Variants in ABHD2 observed in about 807,000 individuals in gnomAD.
The protein encoded by ABHD2 is abhydrolase domain containing 2, acylglycerol lipase.
Under a neutral mutation model 48.1 loss-of-function variants are expected in ABHD2, and 20 were observed. That is an observed-to-expected ratio of 0.42 (90% confidence interval 0.29 to 0.60). The LOEUF (loss-of-function observed/expected upper bound fraction) is 0.60, where lower values mean the gene tolerates loss of function less well. Ranked by LOEUF, ABHD2 falls within the 20% of genes least tolerant of loss-of-function variation. The pLI, the probability that ABHD2 is intolerant of heterozygous loss-of-function variation, is 0.24. For synonymous variants in ABHD2, 209 were observed against 214.2 expected (o/e 0.98, Z 0.21); for missense variants, 405 against 550.9 (o/e 0.74, Z 2.65).
intron 3 of ABHD2, among the ~76,000 whole-genome samples, chr15:89,142,406 A>G (rs2050418461): frequency 6.6e-6 from 1 of 152,218 alleles, no homozygotes; most frequent in Admixed American, 6.5e-5. Context: ...CCTTTGTTAA[A>G]GAGCTTGGGG....
At chr15:89,083,213 G>A (rs780169931), upstream of ABHD2, among the ~76,000 whole-genome samples, 4 of 151,974 alleles carry the variant, frequency 2.6e-5, no homozygotes, top group Admixed American at 6.6e-5. This position sits in a 1 kb window ranked among gnomAD's most constrained non-coding sequence, Gnocchi z 5.1. Context: ...ACTGCATCTC[G>A]CCTTCTCCGG....
the ABHD2 span, among the ~76,000 whole-genome samples, chr15:89,045,616 A>G: frequency 2.6e-5 from 4 of 152,130 alleles, no homozygotes; most frequent in Non-Finnish European, 5.9e-5. Context: ...GGTCCTTCAC[A>G]TCCCTTGTAA....
chr15:89,059,326 G>T, the ABHD2 span, among the ~76,000 whole-genome samples: 1 of 152,144 alleles, frequency 6.6e-6, no homozygotes, highest in Non-Finnish European at 1.5e-5. Context: ...AGCTGGCATG[G>T]TTCTGACCAC....
At chr15:89,072,066 AT>A in the ABHD2 span, among the ~76,000 whole-genome samples, 3 of 152,102 alleles carry the variant, frequency 2.0e-5, no homozygotes, top group Non-Finnish European at 2.9e-5. Flanking sequence ...TCACACTTTT[AT>A]TTTTTTCCTT....
intron 3 of ABHD2, chr15:89,135,668 G>A: frequency 1.3e-6 from 2 of 1,551,856 alleles, no homozygotes; most frequent in Non-Finnish European, 1.8e-6. Context: ...TGCTGCAGCA[G>A]GCTTTCCTTT....
At chr15:89,132,267 G>A (rs1328805686) in intron 3 of ABHD2, among the ~76,000 whole-genome samples, 1 of 152,132 alleles carries the variant, frequency 6.6e-6, no homozygotes, top group East Asian at 1.9e-4. Flanking sequence ...GTCTGTAAAG[G>A]GGGTCCTAAT....
At position 89,186,497 on chromosome 15, in the gene ABHD2, T is replaced by C. The variant is rs1437949886; in HGVS notation, c.815+981T>C. On this transcript the variant is annotated intron_variant, in intron 7 of 10. Transcript: ENST00000352732. This position sits in a 1 kb window ranked among gnomAD's most constrained non-coding sequence, Gnocchi z 4.3. ...CCCTGGCCTCTGCCACACTACTTACTGCCCTTGCTGAGAATACTCTCCCGT... is the reference window on the plus strand; with the variant it reads ...CCCTGGCCTCTGCCACACTACTTACCGCCCTTGCTGAGAATACTCTCCCGT... Among the ~76,000 whole-genome samples, 1 of 152,194 alleles carries C rather than the reference T, an allele frequency of 6.6e-6. No individual in the cohort carries two copies. Among genetic ancestry groups the C allele is most frequent in the Non-Finnish European group, 1.5e-5 (1 of 68,036 alleles).
chr15:89,165,092 G>A lies in ABHD2; in HGVS notation c.538+9558G>A, dbSNP rs151077601. ...TTACAGCTCTGTGTACAGGGATGTCGGCTGTGGTGATTATTCTGCAGTATG... is the reference window on the plus strand; with the variant it reads ...TTACAGCTCTGTGTACAGGGATGTCAGCTGTGGTGATTATTCTGCAGTATG... On this transcript the variant is annotated intron_variant, in intron 5 of 10. Transcript: ENST00000352732. 3.5e-3 allele frequency among the ~76,000 whole-genome samples: 533 copies of A among 152,274 alleles called. 3 individuals carry two copies. The highest frequency in any genetic ancestry group is 5.4e-3 in the Non-Finnish European group (369 of 68,014).
At chr15:89,128,024 G>C (rs750260108) in intron 3 of ABHD2, among the ~76,000 whole-genome samples, 14 of 152,100 alleles carry the variant, frequency 9.2e-5, no homozygotes, top group Non-Finnish European at 1.8e-4. Flanking sequence ...AGTGTATTCT[G>C]AGAGGCTTAA....
chr15:89,171,206 C>T (rs2050922465), intron 5 of ABHD2, among the ~76,000 whole-genome samples: 1 of 152,190 alleles, frequency 6.6e-6, no homozygotes, highest in Non-Finnish European at 1.5e-5. Context: ...ACGTCAGCAT[C>T]ACCTGAGAAC....
intron 1 of ABHD2, among the ~76,000 whole-genome samples, chr15:89,101,264 T>C (rs1253081853): frequency 6.6e-6 from 1 of 152,224 alleles, no homozygotes; most frequent in Non-Finnish European, 1.5e-5. Flanking sequence ...GAAATATGCC[T>C]TGGGACAGTA....
chr15:89,114,777 C>G lies in ABHD2; in HGVS notation c.-7+953C>G, dbSNP rs1025034066. 1.3e-5 allele frequency among the ~76,000 whole-genome samples: 2 copies of G among 152,298 alleles called. No homozygotes were observed. The highest frequency in any genetic ancestry group is 4.8e-5 in the African/African-American group (2 of 41,566). ...TGATTACAGGCATGAGCCATGGTGC[C>G]CAGCCCAGAAGTTAAGTTTTAGGAA... On this transcript the variant is annotated intron_variant, in intron 2 of 10. Coordinates refer to ENST00000352732, the MANE Select transcript of ABHD2 (RefSeq NM_152924.5). The surrounding 1 kb of genome is among the most constrained non-coding windows in gnomAD (Gnocchi z 4.2).
the ABHD2 span, among the ~76,000 whole-genome samples, chr15:89,070,742 G>C: frequency 0.21 from 31,795 of 152,072 alleles, 4,226 homozygotes; most frequent in African/African-American, 0.36. Flanking sequence ...ATAGCATGTG[G>C]ACAGCAGATA....
At chr15:89,172,575 T>A (rs1313419664) in intron 5 of ABHD2, among the ~76,000 whole-genome samples, 1 of 152,266 alleles carries the variant, frequency 6.6e-6, no homozygotes, top group Non-Finnish European at 1.5e-5. Context: ...ATAATGCTGC[T>A]ATAAACATGG....
intron 5 of ABHD2, among the ~76,000 whole-genome samples, chr15:89,165,862 C>A (rs1393559872): frequency 6.6e-6 from 1 of 152,146 alleles, no homozygotes; most frequent in Non-Finnish European, 1.5e-5. Flanking sequence ...CTGTAGGGGC[C>A]CAGTGAATTC....
chr15:89,193,157 A>G (rs1170227111), intron 9 of ABHD2, 78 bp from the exon 10 acceptor site: 5 of 1,371,520 alleles, frequency 3.6e-6, no homozygotes, highest in African/African-American at 1.4e-5. Context: ...CATGTCCAGC[A>G]GTGAGTTTGA....
At position 89,097,523 on chromosome 15, in the gene ABHD2, C is replaced by T. The variant is rs1385206819; in HGVS notation, c.-107+8960C>T. On this transcript the variant is annotated intron_variant, in intron 1 of 10. Coordinates refer to ENST00000352732, the MANE Select transcript of ABHD2 (RefSeq NM_152924.5). This position sits in a 1 kb window ranked among gnomAD's most constrained non-coding sequence, Gnocchi z 4.2. ...TTAGACATTATGATTGATTGCTCTA[C>T]CATTTATGTCTCTTTTAAGCTATAG... 6.6e-6 allele frequency among the ~76,000 whole-genome samples: 1 copy of T among 152,148 alleles called. No individual in the cohort carries two copies. The highest frequency in any genetic ancestry group is 1.5e-5 in the Non-Finnish European group (1 of 68,020).
At chr15:89,074,551 C>T in the ABHD2 span, among the ~76,000 whole-genome samples, 2 of 152,280 alleles carry the variant, frequency 1.3e-5, no homozygotes, top group South Asian at 4.1e-4. Flanking sequence ...CTGAGCCATT[C>T]TCCTTATCTG....
At chr15:89,127,724 T>TATATGTATATATATATATATATATAC (rs2050155600) in intron 3 of ABHD2, among the ~76,000 whole-genome samples, 1 of 70,714 alleles carries the variant, frequency 1.4e-5, no homozygotes, top group African/African-American at 4.8e-5. Context: ...TATATACACA[T>TATATGTATATATATATATATATATAC]ATATATATAT....
Sources: gnomAD v4.1 joint callset for allele counts (sites outside exome capture counted in the v4.1 genomes callset) on GRCh38, gnomAD v4.1.1 for gene constraint, Gnocchi (gnomAD v3.1) non-coding constraint, MANE v1.5 for transcripts, NCBI Gene and HGNC (gene_info 2026-07-23, HGNC 2026-07-21) for gene names.